Variants in PTPRT observed in about 807,000 individuals in gnomAD.
PTPRT encodes protein tyrosine phosphatase receptor type T.
In PTPRT, 56 loss-of-function variants were observed where a neutral mutation model predicts 176.8. That is an observed-to-expected ratio of 0.32 (90% CI 0.26 to 0.40). PTPRT has a LOEUF of 0.40. PTPRT is among the 10% of genes least tolerant of loss of function. The probability of loss-of-function intolerance (pLI) is 1.00; values close to 1 mark genes in which losing one functional copy is unlikely to be tolerated. For missense variants in PTPRT, 1,540 were observed against 1,908.2 expected (o/e 0.81, Z 3.60); for synonymous variants, 783 against 739.0 (o/e 1.06, Z -0.96).
intron 9 of PTPRT, among the ~76,000 whole-genome samples, chr20:42,403,040 TACATA>T (rs2058925000): frequency 6.6e-6 from 1 of 152,238 alleles, no homozygotes; most frequent in South Asian, 2.1e-4. Context: ...ATGTAGATAA[TACATA>T]AAAGAAAACA....
At chr20:42,579,573 G>T (rs1476389390) in intron 7 of PTPRT, among the ~76,000 whole-genome samples, 1 of 152,138 alleles carries the variant, frequency 6.6e-6, no homozygotes, top group Non-Finnish European at 1.5e-5. Flanking sequence ...AGCACCTGTT[G>T]TTTCCTGACT....
At chr20:42,424,624 C>T (rs2059147151) in intron 9 of PTPRT, among the ~76,000 whole-genome samples, 1 of 152,134 alleles carries the variant, frequency 6.6e-6, no homozygotes, top group African/African-American at 2.4e-5. Flanking sequence ...TTGGAAGTCA[C>T]TGTCTATGAG....
At chr20:42,800,990 G>T (rs2077522637) in intron 2 of PTPRT, among the ~76,000 whole-genome samples, 1 of 152,148 alleles carries the variant, frequency 6.6e-6, no homozygotes, top group South Asian at 2.1e-4. Flanking sequence ...CGACAGTGGG[G>T]AATGTTTGTG....
intron 1 of PTPRT, among the ~76,000 whole-genome samples, chr20:43,123,248 G>A (rs1201989064): frequency 2.0e-5 from 3 of 152,180 alleles, no homozygotes; most frequent in Non-Finnish European, 4.4e-5. Flanking sequence ...CAACACAAGG[G>A]GAAGAGTAAA....
intron 12 of PTPRT, among the ~76,000 whole-genome samples, chr20:42,287,865 A>T (rs2057257159): frequency 6.6e-6 from 1 of 151,940 alleles, no homozygotes; most frequent in South Asian, 2.1e-4. Flanking sequence ...TAAAAACATA[A>T]AAAGAAAAAA....
At chr20:42,426,250 C>T (rs147931352) in intron 9 of PTPRT, among the ~76,000 whole-genome samples, 10 of 152,108 alleles carry the variant, frequency 6.6e-5, no homozygotes, top group Admixed American at 3.3e-4. Flanking sequence ...ACCCAAACCC[C>T]GGGCTCCACA....
At chr20:42,487,082 G>A (rs1318170736) in intron 7 of PTPRT, among the ~76,000 whole-genome samples, 2 of 152,168 alleles carry the variant, frequency 1.3e-5, no homozygotes, top group Non-Finnish European at 2.9e-5. Context: ...GATCCCCCGA[G>A]GGAGGAAAGT....
chr20:42,086,753 A>AAAATATATATATATATAT (rs1983991312), intron 27 of PTPRT, among the ~76,000 whole-genome samples: 33 of 95,448 alleles, frequency 3.5e-4, no homozygotes, highest in Admixed American at 7.2e-4. Context: ...AAAAAAAAAA[A>AAAATATATATATATATAT]ATATATATAT....
intron 7 of PTPRT, among the ~76,000 whole-genome samples, chr20:42,632,680 T>C (rs578025946): frequency 6.7e-6 from 1 of 149,554 alleles, no homozygotes; most frequent in East Asian, 1.9e-4. Context: ...TATATTTTAC[T>C]ATATTTATTA....
At position 42,937,625 on chromosome 20, in the gene PTPRT, C is replaced by T. The variant is rs531454465; in HGVS notation, c.89-51693G>A. Reference sequence around the variant, plus strand: ...CACCAGAGAAAATTTCCCCTGCCTTCCAAATCACAAGCTTTCAGAGAGTTG... The same window carrying T: ...CACCAGAGAAAATTTCCCCTGCCTTTCAAATCACAAGCTTTCAGAGAGTTG... On this transcript the variant is annotated intron_variant, in intron 1 of 30. Transcript: ENST00000373187. Among the ~76,000 whole-genome samples, 4 of 152,320 alleles carry T rather than the reference C, an allele frequency of 2.6e-5. No homozygotes were observed. In the South Asian group the frequency reaches 6.2e-4, roughly 24 times the overall value.
chr20:43,069,262 G>A (rs1055651230), intron 1 of PTPRT, among the ~76,000 whole-genome samples: 2 of 152,254 alleles, frequency 1.3e-5, no homozygotes, highest in East Asian at 1.9e-4. Context: ...GTTAACGCGC[G>A]CATCCAGCTG....
At chr20:42,241,160 T>C (rs561508731) in intron 14 of PTPRT, among the ~76,000 whole-genome samples, 159 of 152,262 alleles carry the variant, frequency 1.0e-3, no homozygotes, top group African/African-American at 3.8e-3. Flanking sequence ...CATTGTATTA[T>C]CTTCTGTCAT....
intron 12 of PTPRT, among the ~76,000 whole-genome samples, chr20:42,286,573 A>G (rs2057233827): frequency 1.3e-5 from 2 of 151,954 alleles, no homozygotes; most frequent in Non-Finnish European, 2.9e-5. Context: ...ACCCTATACA[A>G]AAATCAACTC....
chr20:42,555,242 T>C (rs767989562), intron 7 of PTPRT, among the ~76,000 whole-genome samples: 12 of 152,204 alleles, frequency 7.9e-5, no homozygotes, highest in Admixed American at 5.2e-4. Context: ...ATCCATTGTT[T>C]ATCTTCATGT....
chr20:42,203,153 G>A (rs1991519337), intron 15 of PTPRT, among the ~76,000 whole-genome samples: 1 of 152,152 alleles, frequency 6.6e-6, no homozygotes, highest in Non-Finnish European at 1.5e-5. Flanking sequence ...CAGCTACAAG[G>A]TGGAAATGGA....
intron 2 of PTPRT, among the ~76,000 whole-genome samples, chr20:42,797,763 T>G (rs35692160): frequency 6.6e-6 from 1 of 151,742 alleles, no homozygotes; most frequent in African/African-American, 2.4e-5. Flanking sequence ...GTCCTTTAGG[T>G]AGACAAGGGG....
chr20:42,084,928 A>T, intron 28 of PTPRT, 83 bp from the exon 29 acceptor site: 1 of 1,212,098 alleles, frequency 8.3e-7, no homozygotes, highest in Non-Finnish European at 1.1e-6. Flanking sequence ...GGACTGCAGC[A>T]TCATGGTGGA....
chr20:42,276,623 C>T lies in PTPRT; in HGVS notation c.2176+5866G>A, dbSNP rs187355730. Among the ~76,000 whole-genome samples the T allele has an allele frequency of 1.1e-3, 150 of 140,266 alleles. 1 individual carries two copies. The highest frequency in any genetic ancestry group is 6.1e-3 in the Admixed American group (82 of 13,360). The allele number at this position is 140,266 out of a possible 152,430, so 92.0% of individuals were successfully genotyped here. A position where few individuals can be genotyped will look rare whatever the true frequency, so the allele number is the denominator to read the frequency against. On this transcript the variant is annotated intron_variant, in intron 13 of 30. Coordinates refer to ENST00000373187, the MANE Select transcript of PTPRT (RefSeq NM_007050.6). ...AGGCTTCAAAGTGAAGGGACAGATT[C>T]GTAGATTTTAACTGACTTGTCCAAG...
chr20:42,784,232 T>G (rs931878117), intron 3 of PTPRT, among the ~76,000 whole-genome samples: 9 of 152,172 alleles, frequency 5.9e-5, no homozygotes, highest in African/African-American at 1.9e-4. Flanking sequence ...TTGTTCATAC[T>G]TGGAGGAGGG....
Sources: gnomAD v4.1 joint callset for allele counts (sites outside exome capture counted in the v4.1 genomes callset) on GRCh38, gnomAD v4.1.1 for gene constraint, MANE v1.5 for transcripts, NCBI Gene and HGNC (gene_info 2026-07-23, HGNC 2026-07-21) for gene names.